Variants in CDH20 observed in about 807,000 individuals in gnomAD.
The protein encoded by CDH20 is cadherin 20.
CDH20 carries 29 observed loss-of-function variants against 74.2 expected under a neutral mutation model. That is an observed-to-expected ratio of 0.39 (90% confidence interval 0.29 to 0.53). CDH20 has a LOEUF of 0.53. Among genes scored for constraint, CDH20 ranks in the 20% least tolerant of loss-of-function variants. CDH20 has a pLI of 0.69. For synonymous variants in CDH20, 469 were observed against 405.4 expected, an observed-to-expected ratio of 1.16 and a Z score of -1.88; for missense variants, 988 against 1,048.3, an observed-to-expected ratio of 0.94 and a Z score of 0.79.
chr18:61,514,559 G>T (rs1911913971), intron 6 of CDH20, among the ~76,000 whole-genome samples: 1 of 151,770 alleles, frequency 6.6e-6, no homozygotes, highest in African/African-American at 2.4e-5. Flanking sequence ...GCGTTCCTTT[G>T]GAGGAGGAGA....
intron 1 of CDH20, among the ~76,000 whole-genome samples, chr18:61,408,466 A>G (rs576218067): frequency 3.7e-4 from 57 of 152,320 alleles, no homozygotes; most frequent in African/African-American, 1.2e-3. Flanking sequence ...ACAATGTTAT[A>G]TCACAAATCC....
chr18:61,387,826 C>G (rs568843787), intron 1 of CDH20, among the ~76,000 whole-genome samples: 1 of 152,174 alleles, frequency 6.6e-6, no homozygotes, highest in African/African-American at 2.4e-5. Context: ...GTGGAGGAAA[C>G]ATTAGATGAA....
At chr18:61,427,827 G>A (rs1218536597) in intron 1 of CDH20, among the ~76,000 whole-genome samples, 1 of 152,088 alleles carries the variant, frequency 6.6e-6, no homozygotes, top group Non-Finnish European at 1.5e-5. Flanking sequence ...AAGCTGGCCA[G>A]GTTTCCCTCT....
chr18:61,514,898 T>C (rs1159713517), intron 6 of CDH20, among the ~76,000 whole-genome samples: 2 of 151,684 alleles, frequency 1.3e-5, no homozygotes, highest in Non-Finnish European at 2.9e-5. Flanking sequence ...CACTGCTCTC[T>C]TCAAAGCTGT....
intron 1 of CDH20, among the ~76,000 whole-genome samples, chr18:61,452,086 TAAA>T (rs1909408995): frequency 6.6e-6 from 1 of 152,034 alleles, no homozygotes; most frequent in Admixed American, 6.6e-5. Flanking sequence ...CCAGATGAAT[TAAA>T]AAACAAAAAA....
At chr18:61,447,165 C>T (rs1469842614) in intron 1 of CDH20, among the ~76,000 whole-genome samples, 5 of 152,212 alleles carry the variant, frequency 3.3e-5, no homozygotes, top group Admixed American at 2.6e-4. Flanking sequence ...GAGAGAAACA[C>T]GAACGTTTGA....
At position 61,507,504 on chromosome 18, in the gene CDH20, GC is replaced by G. The variant is rs749750009; in HGVS notation, c.963del (p.Phe322LeufsTer14). The G allele has an allele frequency of 1.2e-6, 2 of 1,614,044 alleles. No individual in the cohort carries two copies. The highest frequency in any genetic ancestry group is 1.7e-6 in the Non-Finnish European group (2 of 1,179,956). ...TATTGTGGATGGAGATGGTGCAGAT[GC>G]CTTTGACATTAGCACAGATCCCAAT... is the stretch of plus-strand genomic sequence containing the variant. ...YTIVDGDGAD[A>X]FDISTDPNFQ... On this transcript the variant is annotated frameshift_variant, in exon 6 of 12. Transcript: ENST00000262717. LOFTEE classifies it high-confidence loss of function.
Position 61,377,950 on chromosome 18 carries a change from G to A in CDH20, c.-153+44123G>A, listed in dbSNP as rs192218903. On this transcript the variant is annotated intron_variant, in intron 1 of 11. Transcript: ENST00000262717. ...TGAAATGTCAGGACTTTAAGGAAGGGTCCACCCAAGCAGGAGAAATCTATA... is the reference window on the plus strand; with the variant it reads ...TGAAATGTCAGGACTTTAAGGAAGGATCCACCCAAGCAGGAGAAATCTATA... Among the ~76,000 whole-genome samples, 426 of 152,160 alleles carry A rather than the reference G, an allele frequency of 2.8e-3. 1 individual carries two copies. Among genetic ancestry groups the A allele is most frequent in the Non-Finnish European group, 3.9e-3 (264 of 68,012 alleles).
At chr18:61,539,435 A>G (rs1409713304) in intron 9 of CDH20, among the ~76,000 whole-genome samples, 1 of 152,146 alleles carries the variant, frequency 6.6e-6, no homozygotes. Context: ...GTGAGACCCA[A>G]TCTCTAAAAA....
chr18:61,524,057 T>C (rs908617110), intron 6 of CDH20, among the ~76,000 whole-genome samples: 2 of 151,124 alleles, frequency 1.3e-5, no homozygotes, highest in African/African-American at 2.4e-5. Context: ...ATTTAAAGTA[T>C]AATAATAATA....
At chr18:61,425,691 G>A (rs1913047047) in intron 1 of CDH20, among the ~76,000 whole-genome samples, 1 of 152,128 alleles carries the variant, frequency 6.6e-6, no homozygotes, top group Admixed American at 6.5e-5. Context: ...AATGGACTTA[G>A]GGGACTTGGG....
At chr18:61,515,376 A>G (rs1599139730) in intron 6 of CDH20, among the ~76,000 whole-genome samples, 1 of 151,920 alleles carries the variant, frequency 6.6e-6, no homozygotes, top group South Asian at 2.1e-4. Context: ...CGGTGCACGC[A>G]CCCACTGACC....
intron 1 of CDH20, among the ~76,000 whole-genome samples, chr18:61,449,403 C>A (rs1349426176): frequency 6.6e-6 from 1 of 152,060 alleles, no homozygotes; most frequent in East Asian, 1.9e-4. Flanking sequence ...GTCACTCAGC[C>A]TTACCTTGCT....
At chr18:61,365,746 G>A (rs1910835243) in intron 1 of CDH20, among the ~76,000 whole-genome samples, 1 of 152,106 alleles carries the variant, frequency 6.6e-6, no homozygotes, top group African/African-American at 2.4e-5. Flanking sequence ...TCCCTAAGCA[G>A]GCAAATGTTT....
Position 61,545,072 on chromosome 18 carries a change from G to A in CDH20, c.1576G>A (p.Gly526Ser), listed in dbSNP as rs1341397164. 2 of 1,614,030 alleles carry A rather than the reference G, an allele frequency of 1.2e-6. No homozygotes were observed. The highest frequency in any genetic ancestry group is 1.1e-5 in the South Asian group (1 of 91,078). Residue 526 changes from glycine (G) to serine (S), a missense_variant, in exon 10 of 12, where the codon GGT becomes AGT. By Grantham distance (56) the Gly-to-Ser change is moderately conservative. Coordinates refer to ENST00000262717, the MANE Select transcript of CDH20 (RefSeq NM_031891.4). ...GGTGGACCAAGATGACCCACGCAAT[G>A]GTCAGCATTTCTACTACAGCTTGGC... ...SAVDQDDPRN[G>S]QHFYYSLAPE...
chr18:61,521,070 G>T (rs1214824286), intron 6 of CDH20, among the ~76,000 whole-genome samples: 1 of 150,950 alleles, frequency 6.6e-6, no homozygotes, highest in Non-Finnish European at 1.5e-5. Context: ...AAGTAACTAA[G>T]ATCAGAGCAG....
intron 4 of CDH20, among the ~76,000 whole-genome samples, chr18:61,501,968 A>C (rs1911399712): frequency 1.3e-5 from 2 of 152,180 alleles, no homozygotes; most frequent in African/African-American, 4.8e-5. Context: ...TTTAAAAAAG[A>C]AAATGCTGCA....
intron 1 of CDH20, among the ~76,000 whole-genome samples, chr18:61,489,430 A>T (rs665192): frequency 0.99 from 150,823 of 152,028 alleles, 74,831 homozygotes; most frequent in Middle Eastern, 1. Context: ...GAAGGAAGAC[A>T]TTTTGGTTGT....
At position 61,520,137 on chromosome 18, in the gene CDH20, A is replaced by C. The variant is rs1044629930; in HGVS notation, c.1018-7830A>C. ...CAAGACCATCCTGGCTAACACGATG[A>C]AACCCCATCTCTACTAAAAATACAA... On this transcript the variant is annotated intron_variant, in intron 6 of 11. Coordinates refer to ENST00000262717, the MANE Select transcript of CDH20 (RefSeq NM_031891.4). Among the ~76,000 whole-genome samples, 85 of 150,190 alleles carry C rather than the reference A, an allele frequency of 5.7e-4. 1 individual carries two copies. The highest frequency in any genetic ancestry group is 1.0e-3 in the Non-Finnish European group (70 of 67,774).
Sources: gnomAD v4.1 joint callset for allele counts (sites outside exome capture counted in the v4.1 genomes callset) on GRCh38, gnomAD v4.1.1 for gene constraint, MANE v1.5 for transcripts, NCBI Gene and HGNC (gene_info 2026-07-23, HGNC 2026-07-21) for gene names.